ZNF564: variants seen among roughly 807,000 people sequenced by gnomAD.
ZNF564 encodes zinc finger protein 564.
ZNF564 carries 5 observed loss-of-function variants against 10.5 expected under a neutral mutation model. That is an observed-to-expected ratio of 0.48 (90% confidence interval 0.25 to 1.00). The LOEUF (loss-of-function observed/expected upper bound fraction) is 1.00. ZNF564 is among the 50% of genes least tolerant of loss of function. The probability of loss-of-function intolerance (pLI) is 0.16; values close to 1 mark genes in which losing one functional copy is unlikely to be tolerated. For missense variants in ZNF564, 603 were observed against 669.7 expected (o/e 0.90, Z 1.10); for synonymous variants, 242 against 218.1 (o/e 1.11, Z -0.97).
At chr19:12,531,783 C>G (rs2021806622) in intron 1 of ZNF564, among the ~76,000 whole-genome samples, 1 of 151,736 alleles carries the variant, frequency 6.6e-6, no homozygotes, top group Non-Finnish European at 1.5e-5. Context: ...GCAAGGGCAA[C>G]TAATAGAAAA....
At chr19:12,547,978 A>G (rs1307487735) in intron 1 of ZNF564, among the ~76,000 whole-genome samples, 1 of 150,494 alleles carries the variant, frequency 6.6e-6, no homozygotes. Flanking sequence ...TGCCCGGCTA[A>G]TTTTGTATTT....
intron 1 of ZNF564, among the ~76,000 whole-genome samples, chr19:12,539,147 T>C (rs2021982552): frequency 6.7e-6 from 1 of 148,832 alleles, no homozygotes; most frequent in Non-Finnish European, 1.5e-5. Context: ...GGCAGAAGAA[T>C]CGCTTGAATC....
In ZNF564 at chr19:12,526,392, C is replaced by G; in HGVS notation, c.*54G>C. On this transcript the variant is annotated 3_prime_UTR_variant, in exon 4 of 4. Coordinates refer to ENST00000339282, the MANE Select transcript of ZNF564 (RefSeq NM_144976.4). ...ACAAGTCTGAAACCCAGAAAGCAAA[C>G]TGAAGACTTTCCATATTCTTTAGAT... The G allele has an allele frequency of 4.6e-6, 7 of 1,509,590 alleles. No individual in the cohort carries two copies. The highest frequency in any genetic ancestry group is 4.4e-6 in the Non-Finnish European group (5 of 1,131,616). 93.5% of individuals were successfully genotyped at this position (1,509,590 alleles called of 1,614,324 possible). A position where few individuals can be genotyped will look rare whatever the true frequency, so the allele number is the denominator to read the frequency against.
chr19:12,535,104 T>C (rs2145075225), intron 1 of ZNF564, among the ~76,000 whole-genome samples: 1 of 152,180 alleles, frequency 6.6e-6, no homozygotes, highest in South Asian at 2.1e-4. Flanking sequence ...CCAGGTGTGG[T>C]GGCTCACACC....
chr19:12,527,101 G>T lies in ZNF564; in HGVS notation c.1007C>A (p.Pro336His). The T allele has an allele frequency of 6.2e-7, 1 of 1,614,032 alleles. No individual in the cohort carries two copies. Reference protein sequence around the residue: ...KHERTHTGEKPYECNKCGKTF... With the variant: ...KHERTHTGEKHYECNKCGKTF... ...TTTACCACATTTATTACATTCATAGGGTTTCTCCCCAGTATGAGTTCTTTC... is the reference window on the plus strand; with the variant it reads ...TTTACCACATTTATTACATTCATAGTGTTTCTCCCCAGTATGAGTTCTTTC... The change falls in exon 4 of 4, where the codon CCC becomes CAC. Residue 336 changes from proline to histidine, a missense_variant. Coordinates refer to ENST00000339282, the MANE Select transcript of ZNF564 (RefSeq NM_144976.4).
chr19:12,533,824 G>C (rs1258587257), intron 1 of ZNF564, among the ~76,000 whole-genome samples: 6 of 142,232 alleles, frequency 4.2e-5, no homozygotes, highest in Non-Finnish European at 9.1e-5. Context: ...TAAGCAGACA[G>C]ACAGACAGAA....
At chr19:12,542,677 G>A (rs951510810) in intron 1 of ZNF564, among the ~76,000 whole-genome samples, 1 of 149,008 alleles carries the variant, frequency 6.7e-6, no homozygotes, top group African/African-American at 2.5e-5. Context: ...AGGAAAGGAA[G>A]GAAGGAAAGG....
chr19:12,537,738 C>CAAAA (rs56173239), intron 1 of ZNF564, among the ~76,000 whole-genome samples: 1 of 114,546 alleles, frequency 8.7e-6, no homozygotes, highest in Non-Finnish European at 1.7e-5. Context: ...AACTCCGTCT[C>CAAAA]AAAAAAAAAA....
At chr19:12,529,850 G>C (rs1019414169) in intron 1 of ZNF564, 2 of 152,030 alleles carry the variant, frequency 1.3e-5, no homozygotes, top group Non-Finnish European at 2.9e-5. Context: ...TGGGCGTGGT[G>C]GTGGGCACCT....
chr19:12,544,745 G>A (rs1156780074), intron 1 of ZNF564, among the ~76,000 whole-genome samples: 3 of 152,136 alleles, frequency 2.0e-5, no homozygotes, highest in Non-Finnish European at 4.4e-5. Flanking sequence ...CTCCAATAAA[G>A]GCATCTGCCC....
At chr19:12,541,528 G>A (rs974824532) in intron 1 of ZNF564, 53 of 150,588 alleles carry the variant, frequency 3.5e-4, no homozygotes, top group African/African-American at 1.2e-3. Flanking sequence ...CCAGCCTGGG[G>A]ATGGAGACTC....
chr19:12,544,565 G>A lies in ZNF564; in HGVS notation c.3+6765C>T, dbSNP rs2022116722. Among the ~76,000 whole-genome samples the A allele has an allele frequency of 2.0e-5, 3 of 152,174 alleles. No homozygotes were observed. In the East Asian group the frequency reaches 5.8e-4, roughly 29 times the overall value. The stretch of plus-strand genomic sequence containing the variant: ...ATCTGCCTTACACAGCCGCCTCCCT[G>A]TGACCACCTCCGCATGAGACGGCTA... On this transcript the variant is annotated intron_variant, in intron 1 of 3. Coordinates refer to ENST00000339282, the MANE Select transcript of ZNF564 (RefSeq NM_144976.4).
At chr19:12,548,628 T>C (rs1399702770) in intron 1 of ZNF564, 3 of 556,656 alleles carry the variant, frequency 5.4e-6, no homozygotes, top group African/African-American at 1.9e-5. Context: ...GCGTCAGCCA[T>C]CGCGGCTGGC....
At position 12,526,183 on chromosome 19, in the gene ZNF564, G is replaced by C. The variant is rs2021676418; in HGVS notation, c.*263C>G. 2 of 337,182 alleles carry C rather than the reference G, an allele frequency of 5.9e-6. No homozygotes were observed. Among genetic ancestry groups the C allele is most frequent in the Non-Finnish European group, 1.1e-5 (2 of 184,890 alleles). The allele number at this position is 337,182 out of a possible 1,614,324, so 20.9% of individuals were successfully genotyped here. A position where few individuals can be genotyped will look rare whatever the true frequency, so the allele number is the denominator to read the frequency against. On this transcript the variant is annotated 3_prime_UTR_variant, in exon 4 of 4. Coordinates refer to ENST00000339282, the MANE Select transcript of ZNF564 (RefSeq NM_144976.4). ...CTAATGTTTAAACTCAAACTCCAAA[G>C]TGTCATCTCAATATCACATCACTCA...
At chr19:12,549,294 A>T (rs549689478) in intron 1 of ZNF564, among the ~76,000 whole-genome samples, 2 of 152,334 alleles carry the variant, frequency 1.3e-5, no homozygotes, top group African/African-American at 4.8e-5. Context: ...TTACAAACCC[A>T]GGGAGAGGCA....
chr19:12,542,975 C>A (rs1445347010), intron 1 of ZNF564, among the ~76,000 whole-genome samples: 1 of 151,330 alleles, frequency 6.6e-6, no homozygotes, highest in Non-Finnish European at 1.5e-5. Flanking sequence ...GCACTCTGGC[C>A]TGGGCAATAA....
chr19:12,544,576 C>A (rs565701305), intron 1 of ZNF564, among the ~76,000 whole-genome samples: 1 of 152,272 alleles, frequency 6.6e-6, no homozygotes, highest in East Asian at 1.9e-4. Context: ...TGACCACCTC[C>A]GCATGAGACG....
rs867984324 is a variant in ZNF564, at chr19:12,527,539, T to C, written c.569A>G (p.Lys190Arg). The C allele has an allele frequency of 6.2e-7, 1 of 1,613,940 alleles. No homozygotes were observed. The highest frequency in any genetic ancestry group is 1.1e-5 in the South Asian group (1 of 91,066). ...SLPSVRRHMIKHTGDGPYKCQ... is the reference protein window; with the variant it reads ...SLPSVRRHMIRHTGDGPYKCQ... ...TTTATATGGTCCATCTCCAGTGTGC[T>C]TAATCATGTGTCTTCGAACACTTGG... The change falls in exon 4 of 4, where the codon AAG becomes AGG. Residue 190 changes from lysine (K) to arginine (R), a missense_variant. Physicochemically the swap from Lys to Arg is conservative, Grantham distance 26 (BLOSUM62 2). Coordinates refer to ENST00000339282, the MANE Select transcript of ZNF564 (RefSeq NM_144976.4).
intron 1 of ZNF564, among the ~76,000 whole-genome samples, chr19:12,540,419 A>C (rs954965208): frequency 1.6e-4 from 25 of 152,312 alleles, no homozygotes; most frequent in African/African-American, 5.1e-4. Context: ...ATTGAAGTCA[A>C]CATTTAAAAG....
Sources: gnomAD v4.1 joint callset for allele counts (sites outside exome capture counted in the v4.1 genomes callset) on GRCh38, gnomAD v4.1.1 for gene constraint, MANE v1.5 for transcripts, NCBI Gene and HGNC (gene_info 2026-07-23, HGNC 2026-07-21) for gene names.